The following SRD5A2 variants were observed in gnomAD, a reference collection of about 807,000 sequenced individuals.
SRD5A2 encodes the protein 3-oxo-5-alpha-steroid 4-dehydrogenase 2.
Under a neutral mutation model 27.4 loss-of-function variants are expected in SRD5A2, and 30 were observed. The observed-to-expected ratio is 1.10, with a 90% confidence interval of 0.82 to 1.49. The LOEUF is 1.49. Among genes scored for constraint, SRD5A2 ranks in the 40% most tolerant of loss-of-function variants. The pLI is 0.00. For missense variants in SRD5A2, 348 were observed against 323.4 expected, an observed-to-expected ratio of 1.08 and a Z score of -0.58; for synonymous variants, 141 against 133.6, an observed-to-expected ratio of 1.06 and a Z score of -0.38.
the SRD5A2 span, among the ~76,000 whole-genome samples, chr2:31,640,518 T>C: frequency 6.6e-6 from 1 of 152,218 alleles, no homozygotes; most frequent in African/African-American, 2.4e-5. Flanking sequence ...TTTACCACTA[T>C]GTCTCTGCCT....
At chr2:31,630,635 G>GA in the SRD5A2 span, among the ~76,000 whole-genome samples, 27 of 152,204 alleles carry the variant, frequency 1.8e-4, 2 homozygotes, top group South Asian at 3.7e-3. Context: ...GAAGAAAGTA[G>GA]AAAAATAACT....
the SRD5A2 span, among the ~76,000 whole-genome samples, chr2:31,621,864 A>G: frequency 6.6e-6 from 1 of 152,222 alleles, no homozygotes; most frequent in African/African-American, 2.4e-5. Flanking sequence ...GCTGGTCTCA[A>G]ACTCATGGCC....
intron 1 of SRD5A2, among the ~76,000 whole-genome samples, chr2:31,569,421 A>AT (rs1666804200): frequency 6.6e-6 from 1 of 152,082 alleles, no homozygotes; most frequent in African/African-American, 2.4e-5. Context: ...TATGGTCAGT[A>AT]TTTTTTATTT....
chr2:31,598,469 CT>C, the SRD5A2 span, among the ~76,000 whole-genome samples: 4 of 151,482 alleles, frequency 2.6e-5, no homozygotes, highest in Non-Finnish European at 5.9e-5. Context: ...ACTACAACAA[CT>C]TTTCAAGACA....
At chr2:31,625,516 C>T in the SRD5A2 span, among the ~76,000 whole-genome samples, 3 of 152,102 alleles carry the variant, frequency 2.0e-5, no homozygotes, top group Non-Finnish European at 2.9e-5. Flanking sequence ...AGTCTTTAAT[C>T]CATCTTGAAT....
the SRD5A2 span, among the ~76,000 whole-genome samples, chr2:31,646,968 A>G: frequency 6.6e-6 from 1 of 152,072 alleles, no homozygotes; most frequent in Non-Finnish European, 1.5e-5. Context: ...CCAATGTGAC[A>G]AAACCTTGTC....
chr2:31,623,998 G>C, the SRD5A2 span, among the ~76,000 whole-genome samples: 49 of 152,112 alleles, frequency 3.2e-4, 1 homozygote, highest in East Asian at 7.1e-3. Context: ...TGCTAGATTT[G>C]GTTTGCCAGT....
At chr2:31,628,959 T>C in the SRD5A2 span, among the ~76,000 whole-genome samples, 2 of 152,212 alleles carry the variant, frequency 1.3e-5, no homozygotes, top group African/African-American at 4.8e-5. Flanking sequence ...AGGTTTTCTC[T>C]GCATTTCCTT....
rs1371478507 is a variant in SRD5A2, at chr2:31,524,468, C to CTACAGACA, written c.*1720_*1727dup. 1 of 229,322 alleles carries CTACAGACA rather than the reference C, an allele frequency of 4.4e-6. No individual in the cohort carries two copies. Among genetic ancestry groups the CTACAGACA allele is most frequent in the African/African-American group, 2.2e-5 (1 of 45,092 alleles). 14.2% of individuals were successfully genotyped at this position (229,322 alleles called of 1,614,324 possible). ...AGAGAAGAGAAGAAAGGAAACGACA[C>CTACAGACA]TACAGACAGGGTGAATGGGAATGAG... On this transcript the variant is annotated 3_prime_UTR_variant, in exon 5 of 5. Coordinates refer to ENST00000622030, the MANE Select transcript of SRD5A2 (RefSeq NM_000348.4).
At chr2:31,538,279 T>G (rs961919137) in intron 1 of SRD5A2, among the ~76,000 whole-genome samples, 4 of 152,178 alleles carry the variant, frequency 2.6e-5, no homozygotes, top group Non-Finnish European at 5.9e-5. Context: ...TTCCAATTGC[T>G]TAAGCCAAAG....
intron 1 of SRD5A2, among the ~76,000 whole-genome samples, chr2:31,579,980 G>C (rs1387454862): frequency 3.9e-5 from 6 of 152,150 alleles, no homozygotes; most frequent in Non-Finnish European, 8.8e-5. Flanking sequence ...GTCCCTTTTG[G>C]GAGGGGCCTA....
the SRD5A2 span, among the ~76,000 whole-genome samples, chr2:31,612,952 C>T: frequency 6.6e-6 from 1 of 152,266 alleles, no homozygotes; most frequent in Non-Finnish European, 1.5e-5. Context: ...TGTAGAGAAA[C>T]TGGACATCCA....
chr2:31,580,326 C>T (rs1381667995), intron 1 of SRD5A2, among the ~76,000 whole-genome samples: 1 of 152,268 alleles, frequency 6.6e-6, no homozygotes. Context: ...AGGTCGCCTC[C>T]CGCCCGCAGG....
chr2:31,579,804 C>T (rs1338443580), intron 1 of SRD5A2, among the ~76,000 whole-genome samples: 1 of 152,214 alleles, frequency 6.6e-6, no homozygotes, highest in Non-Finnish European at 1.5e-5. Context: ...TCTCTGAACC[C>T]TGACATCCCT....
At chr2:31,548,732 G>A (rs1473840671) in intron 1 of SRD5A2, among the ~76,000 whole-genome samples, 2 of 152,122 alleles carry the variant, frequency 1.3e-5, no homozygotes, top group African/African-American at 4.8e-5. Context: ...ATCCACTTCT[G>A]AATATGCATC....
chr2:31,544,893 A>G (rs541761082), intron 1 of SRD5A2, among the ~76,000 whole-genome samples: 115 of 152,090 alleles, frequency 7.6e-4, no homozygotes, highest in African/African-American at 2.4e-3. Flanking sequence ...ATGGGAATAA[A>G]AAGAATTCTA....
At chr2:31,632,262 G>C in the SRD5A2 span, among the ~76,000 whole-genome samples, 4 of 152,156 alleles carry the variant, frequency 2.6e-5, no homozygotes, top group Admixed American at 2.6e-4. Context: ...TTGAGTCATG[G>C]CCCTCAGGCA....
upstream of SRD5A2, among the ~76,000 whole-genome samples, chr2:31,584,867 C>T (rs1186068800): frequency 6.6e-6 from 1 of 152,208 alleles, no homozygotes; most frequent in East Asian, 1.9e-4. Context: ...GCAGTACCTG[C>T]TTTTAACTTT....
chr2:31,646,272 T>G, the SRD5A2 span, among the ~76,000 whole-genome samples: 1 of 152,142 alleles, frequency 6.6e-6, no homozygotes, highest in East Asian at 1.9e-4. Flanking sequence ...GCCTTCAAGA[T>G]GTGAAACTCA....
Sources: allele counts gnomAD v4.1 joint callset (sites outside exome capture counted in the v4.1 genomes callset), GRCh38; gene constraint gnomAD v4.1.1; transcripts MANE v1.5; gene names NCBI Gene and HGNC (gene_info 2026-07-23, HGNC 2026-07-21).